CEMIP: variants seen among roughly 807,000 people sequenced by gnomAD.
CEMIP encodes cell migration-inducing and hyaluronan-binding protein.
In CEMIP, 105 loss-of-function variants were observed where a neutral mutation model predicts 156.9. That is an observed-to-expected ratio of 0.67 (90% CI 0.57 to 0.79). The LOEUF (loss-of-function observed/expected upper bound fraction) is 0.79, where lower values mean the gene tolerates loss of function less well. CEMIP is among the 30% of genes least tolerant of loss of function. CEMIP has a pLI of 0.00. For synonymous variants in CEMIP, 676 were observed against 668.4 expected (o/e 1.01, Z -0.17); for missense variants, 1,457 against 1,769.4 (o/e 0.82, Z 3.17).
chr15:80,869,035 G>A (rs776343100), intron 1 of CEMIP, among the ~76,000 whole-genome samples: 2 of 152,164 alleles, frequency 1.3e-5, no homozygotes, highest in Non-Finnish European at 2.9e-5. Context: ...CTGAGATCGA[G>A]GTGTCAGGAG....
At chr15:80,904,323 C>T (rs983857770) in intron 12 of CEMIP, among the ~76,000 whole-genome samples, 5 of 152,082 alleles carry the variant, frequency 3.3e-5, no homozygotes, top group Non-Finnish European at 7.4e-5. Flanking sequence ...CCCAGGAGTT[C>T]GAGACTACAG....
chr15:80,855,568 C>A (rs185390863), intron 1 of CEMIP, among the ~76,000 whole-genome samples: 2 of 151,774 alleles, frequency 1.3e-5, no homozygotes, highest in Admixed American at 1.3e-4. Flanking sequence ...AGTGCAGTGG[C>A]ACGATCTCGG....
chr15:80,905,158 T>C (rs1211573443), intron 12 of CEMIP, among the ~76,000 whole-genome samples: 6 of 152,164 alleles, frequency 3.9e-5, no homozygotes, highest in Admixed American at 3.9e-4. Flanking sequence ...ACCATGGCCT[T>C]CACATGTGAA....
At chr15:80,804,117 C>G (rs1896449913) in intron 1 of CEMIP, among the ~76,000 whole-genome samples, 1 of 152,156 alleles carries the variant, frequency 6.6e-6, no homozygotes, top group Non-Finnish European at 1.5e-5. Flanking sequence ...AGAACAGCAC[C>G]GGAAAGACCT....
Position 80,811,801 on chromosome 15 carries a change from C to A in CEMIP, c.-176+32187C>A, listed in dbSNP as rs1385086. 5.7e-3 allele frequency among the ~76,000 whole-genome samples: 872 copies of A among 152,070 alleles called. 7 individuals carry two copies. The highest frequency in any genetic ancestry group is 0.019 in the African/African-American group (805 of 41,450). On this transcript the variant is annotated intron_variant, in intron 1 of 29. Coordinates refer to ENST00000394685, the MANE Select transcript of CEMIP (RefSeq NM_001293298.2). ...TGAACTCGTGAGCTCAAGAAATCTGCCTGCCTCAGCCTCCCAAACTGTTGG... is the reference window on the plus strand; with the variant it reads ...TGAACTCGTGAGCTCAAGAAATCTGACTGCCTCAGCCTCCCAAACTGTTGG...
chr15:80,919,788 C>G (rs1181416925), intron 14 of CEMIP, among the ~76,000 whole-genome samples: 1 of 148,960 alleles, frequency 6.7e-6, no homozygotes, highest in East Asian at 2.0e-4. Flanking sequence ...GCACTCCAGT[C>G]TGGGCGACAA....
intron 1 of CEMIP, among the ~76,000 whole-genome samples, chr15:80,806,441 A>G (rs959046244): frequency 4.6e-5 from 7 of 152,236 alleles, no homozygotes; most frequent in African/African-American, 1.4e-4. Flanking sequence ...GAGCGCTCAT[A>G]GAAGAAAAAG....
intron 1 of CEMIP, among the ~76,000 whole-genome samples, chr15:80,801,406 C>G (rs1486588284): frequency 2.0e-5 from 3 of 152,206 alleles, no homozygotes; most frequent in Non-Finnish European, 2.9e-5. Context: ...CCATGCGTCT[C>G]TCATCACCCA....
intron 1 of CEMIP, among the ~76,000 whole-genome samples, chr15:80,857,485 G>C (rs138963719): frequency 1.3e-5 from 2 of 152,162 alleles, no homozygotes; most frequent in Non-Finnish European, 2.9e-5. Flanking sequence ...GAAGGAGAAT[G>C]GAAAGAGATG....
At chr15:80,879,941 C>A in intron 5 of CEMIP, 87 bp downstream of exon 5, 1 of 1,461,852 alleles carries the variant, frequency 6.8e-7, no homozygotes, top group Non-Finnish European at 9.5e-7. Flanking sequence ...GGCAAGAGGG[C>A]AAGCTTGCCT....
At chr15:80,908,136 G>A (rs887161817) in intron 13 of CEMIP, among the ~76,000 whole-genome samples, 5 of 152,164 alleles carry the variant, frequency 3.3e-5, no homozygotes, top group African/African-American at 1.2e-4. Flanking sequence ...TATAGGGTGG[G>A]GCAGAGGTGA....
At chr15:80,860,029 A>G (rs1178421424) in intron 1 of CEMIP, among the ~76,000 whole-genome samples, 1 of 152,148 alleles carries the variant, frequency 6.6e-6, no homozygotes, top group Non-Finnish European at 1.5e-5. Flanking sequence ...ACACACGCAC[A>G]CACACATACA....
At chr15:80,802,148 C>T (rs1005342425) in intron 1 of CEMIP, among the ~76,000 whole-genome samples, 1 of 152,148 alleles carries the variant, frequency 6.6e-6, no homozygotes. Flanking sequence ...TGGCCTGGTG[C>T]TTGCATTAAT....
At chr15:80,833,130 G>A (rs1305727996) in intron 1 of CEMIP, among the ~76,000 whole-genome samples, 1 of 152,128 alleles carries the variant, frequency 6.6e-6, no homozygotes, top group African/African-American at 2.4e-5. Context: ...GCACAGACAG[G>A]GGAATTAGAC....
intron 1 of CEMIP, among the ~76,000 whole-genome samples, chr15:80,829,907 C>T (rs1179643093): frequency 6.6e-6 from 1 of 151,900 alleles, no homozygotes; most frequent in Non-Finnish European, 1.5e-5. Context: ...CACAAATCTC[C>T]AGGCAGTTAT....
chr15:80,865,523 A>G (rs1011392065), intron 1 of CEMIP, among the ~76,000 whole-genome samples: 1 of 152,172 alleles, frequency 6.6e-6, no homozygotes, highest in Non-Finnish European at 1.5e-5. Context: ...ATTGAATTTA[A>G]ATTTACATAG....
intron 19 of CEMIP, among the ~76,000 whole-genome samples, chr15:80,926,835 TC>T (rs1900698536): frequency 7.9e-6 from 1 of 127,370 alleles, no homozygotes; most frequent in African/African-American, 3.7e-5. Context: ...GGGGGGGTCT[TC>T]TTTTTTTTTT....
At chr15:80,839,312 G>GTGTGTGTA (rs1555429525) in intron 1 of CEMIP, among the ~76,000 whole-genome samples, 1 of 151,534 alleles carries the variant, frequency 6.6e-6, no homozygotes. Context: ...GTGTGTGTGT[G>GTGTGTGTA]TGTGTGTGTG....
intron 6 of CEMIP, among the ~76,000 whole-genome samples, chr15:80,883,250 T>C (rs1349501038): frequency 6.6e-6 from 1 of 152,192 alleles, no homozygotes; most frequent in East Asian, 1.9e-4. Context: ...CATTACAAAA[T>C]TGTGTCTTTG....
Sources: gnomAD v4.1 joint callset for allele counts (sites outside exome capture counted in the v4.1 genomes callset) on GRCh38, gnomAD v4.1.1 for gene constraint, MANE v1.5 for transcripts, NCBI Gene and HGNC (gene_info 2026-07-23, HGNC 2026-07-21) for gene names.